The following UBE2E2 variants were observed in gnomAD, a reference collection of about 807,000 sequenced individuals.
The protein encoded by UBE2E2 is ubiquitin conjugating enzyme E2 E2.
In UBE2E2, 6 loss-of-function variants were observed where a neutral mutation model predicts 24.7. The observed-to-expected ratio is 0.24, with a 90% confidence interval of 0.13 to 0.48. The LOEUF is 0.48. UBE2E2 is among the 20% of genes least tolerant of loss of function. UBE2E2 has a pLI of 0.99. For synonymous variants in UBE2E2, 104 were observed against 83.6 expected (o/e 1.24, Z -1.33); for missense variants, 169 against 245.0 (o/e 0.69, Z 2.07).
At chr3:23,297,037 A>G (rs1284630944) in intron 3 of UBE2E2, among the ~76,000 whole-genome samples, 1 of 152,018 alleles carries the variant, frequency 6.6e-6, no homozygotes, top group South Asian at 2.1e-4. Context: ...TGTGGTTTTG[A>G]TTTGCATTTC....
At position 23,590,198 on chromosome 3, in the gene UBE2E2, T is replaced by C. The variant is rs949841053; in HGVS notation, c.*367T>C. 1.1e-5 allele frequency: 2 copies of C among 181,066 alleles called. No individual in the cohort carries two copies. The highest frequency in any genetic ancestry group is 1.2e-4 in the Admixed American group (2 of 16,652). The allele number at this position is 181,066 out of a possible 1,614,324, so 11.2% of individuals were successfully genotyped here. ...TACTGTGTGGTTTTGTTTTTTTTGT[T>C]GTTGTTTATTTGATTTTGATTTTTT... On this transcript the variant is annotated 3_prime_UTR_variant, in exon 6 of 6. Transcript: ENST00000396703.
At chr3:23,292,080 G>T (rs185398267) in intron 3 of UBE2E2, among the ~76,000 whole-genome samples, 3 of 151,924 alleles carry the variant, frequency 2.0e-5, no homozygotes, top group African/African-American at 2.4e-5. Flanking sequence ...GGATGGTCTT[G>T]ATCTCCTGAC....
intron 3 of UBE2E2, among the ~76,000 whole-genome samples, chr3:23,427,871 C>G (rs1697965376): frequency 6.6e-6 from 1 of 152,152 alleles, no homozygotes; most frequent in Admixed American, 6.5e-5. Flanking sequence ...GAAGACGTAG[C>G]AATCCTTAAT....
At chr3:23,587,050 T>C (rs568557114) in intron 5 of UBE2E2, among the ~76,000 whole-genome samples, 7 of 152,348 alleles carry the variant, frequency 4.6e-5, no homozygotes, top group African/African-American at 1.7e-4. Flanking sequence ...GAGGTGGTTT[T>C]CTAAATTATT....
chr3:23,527,741 G>A (rs139262267), intron 4 of UBE2E2, among the ~76,000 whole-genome samples: 1 of 151,988 alleles, frequency 6.6e-6, no homozygotes, highest in African/African-American at 2.4e-5. Flanking sequence ...TAAAAGCAAG[G>A]TTCAGAGAGG....
At chr3:23,410,494 G>A (rs1482315705) in intron 3 of UBE2E2, among the ~76,000 whole-genome samples, 2 of 152,162 alleles carry the variant, frequency 1.3e-5, no homozygotes, top group African/African-American at 2.4e-5. Context: ...AACGAGGCAT[G>A]TTTTTATGAA....
rs1258886807 is a variant in UBE2E2 at position 23,465,409 on chromosome 3, G to A, written c.228-34199G>A. ...CTCACCCAAATCATAACTTCTAAAA[G>A]ACCTATTGTCATAAAATAGTTTTAA... On this transcript the variant is annotated intron_variant, in intron 3 of 5. Transcript: ENST00000396703. 2.0e-5 allele frequency among the ~76,000 whole-genome samples: 3 copies of A among 152,130 alleles called. No individual in the cohort carries two copies. In the East Asian group the frequency reaches 5.8e-4, roughly 29 times the overall value.
intron 3 of UBE2E2, among the ~76,000 whole-genome samples, chr3:23,473,945 G>A (rs991980147): frequency 1.3e-5 from 2 of 151,966 alleles, no homozygotes; most frequent in East Asian, 1.9e-4. Flanking sequence ...GGATCAAATG[G>A]TAGTTCTATT....
At chr3:23,255,218 G>C (rs1200229043) in intron 3 of UBE2E2, among the ~76,000 whole-genome samples, 4 of 150,598 alleles carry the variant, frequency 2.7e-5, no homozygotes, top group Non-Finnish European at 5.9e-5. Context: ...TAGGTAGATG[G>C]GACTACAGGC....
chr3:23,473,111 T>G (rs1699061822), intron 3 of UBE2E2, among the ~76,000 whole-genome samples: 1 of 152,054 alleles, frequency 6.6e-6, no homozygotes, highest in South Asian at 2.1e-4. Flanking sequence ...GCACCTGATT[T>G]AAATGGAAGA....
At chr3:23,435,004 A>G (rs1454294308) in intron 3 of UBE2E2, among the ~76,000 whole-genome samples, 1 of 152,208 alleles carries the variant, frequency 6.6e-6, no homozygotes, top group East Asian at 1.9e-4. Flanking sequence ...TCTTGGTTTC[A>G]TGTCTACTTA....
intron 3 of UBE2E2, among the ~76,000 whole-genome samples, chr3:23,287,661 G>A (rs1698651795): frequency 6.6e-6 from 1 of 151,954 alleles, no homozygotes; most frequent in Non-Finnish European, 1.5e-5. Context: ...GGTTGTATGT[G>A]TCTAGGAAAT....
At chr3:23,326,363 G>A (rs536907970) in intron 3 of UBE2E2, among the ~76,000 whole-genome samples, 3 of 152,300 alleles carry the variant, frequency 2.0e-5, no homozygotes, top group Non-Finnish European at 4.4e-5. Context: ...GAGCCACCGT[G>A]CCTGGCCATC....
chr3:23,299,358 T>G (rs1204640647), intron 3 of UBE2E2, among the ~76,000 whole-genome samples: 1 of 152,228 alleles, frequency 6.6e-6, no homozygotes, highest in Non-Finnish European at 1.5e-5. Context: ...CTTCTCTAGC[T>G]CTTTTAGTTG....
chr3:23,440,563 G>A (rs758964334), intron 3 of UBE2E2, among the ~76,000 whole-genome samples: 17 of 152,154 alleles, frequency 1.1e-4, no homozygotes, highest in African/African-American at 3.6e-4. Flanking sequence ...TGTATTTCTC[G>A]ATAGAAAGGA....
intron 3 of UBE2E2, among the ~76,000 whole-genome samples, chr3:23,263,162 C>T (rs1559323896): frequency 1.3e-5 from 2 of 152,194 alleles, no homozygotes; most frequent in Non-Finnish European, 2.9e-5. Flanking sequence ...GTACTTAACA[C>T]ACTGACTACT....
chr3:23,299,351 C>T (rs1699006023), intron 3 of UBE2E2, among the ~76,000 whole-genome samples: 1 of 152,068 alleles, frequency 6.6e-6, no homozygotes, highest in Non-Finnish European at 1.5e-5. Flanking sequence ...GCTCTTGCTT[C>T]TCTAGCTCTT....
At chr3:23,378,236 T>TAAAAA (rs56808350) in intron 3 of UBE2E2, among the ~76,000 whole-genome samples, 116 of 118,036 alleles carry the variant, frequency 9.8e-4, no homozygotes, top group South Asian at 1.7e-3. Context: ...AAATAAGCAG[T>TAAAAA]AAAAAAAAAA....
At chr3:23,574,439 T>A (rs1197756146) in intron 5 of UBE2E2, among the ~76,000 whole-genome samples, 2 of 152,216 alleles carry the variant, frequency 1.3e-5, no homozygotes, top group Admixed American at 1.3e-4. Flanking sequence ...CCATTTGCCA[T>A]GATGTGATTG....
Sources: allele counts gnomAD v4.1 joint callset (sites outside exome capture counted in the v4.1 genomes callset), GRCh38; gene constraint gnomAD v4.1.1; transcripts MANE v1.5; gene names NCBI Gene and HGNC (gene_info 2026-07-23, HGNC 2026-07-21).